The following MECOM variants were observed in gnomAD, a reference collection of about 807,000 sequenced individuals.
The protein encoded by MECOM is histone-lysine N-methyltransferase MECOM.
In MECOM, 13 loss-of-function variants were observed where a neutral mutation model predicts 116.3. The observed-to-expected ratio is 0.11, with a 90% CI of 0.07 to 0.18. The LOEUF is 0.18. Among genes scored for constraint, MECOM ranks in the 10% least tolerant of loss-of-function variants. The probability of loss-of-function intolerance (pLI) is 1.00; values close to 1 mark genes in which losing one functional copy is unlikely to be tolerated. For synonymous variants in MECOM, 528 were observed against 535.2 expected (o/e 0.99, Z 0.19); for missense variants, 1,299 against 1,509.0 (o/e 0.86, Z 2.31).
chr3:169,562,854 G>C (rs1011435621), intron 1 of MECOM, among the ~76,000 whole-genome samples: 1 of 152,128 alleles, frequency 6.6e-6, no homozygotes, highest in Non-Finnish European at 1.5e-5. Flanking sequence ...CTGAGGTCAA[G>C]AGTTCAAGAC....
At chr3:169,358,406 T>C (rs1481706306) in intron 2 of MECOM, among the ~76,000 whole-genome samples, 1 of 151,624 alleles carries the variant, frequency 6.6e-6, no homozygotes, top group Non-Finnish European at 1.5e-5. Context: ...GATAGACCAG[T>C]TTTCATTACT....
intron 2 of MECOM, among the ~76,000 whole-genome samples, chr3:169,259,497 C>T (rs901507753): frequency 5.9e-5 from 9 of 152,098 alleles, no homozygotes; most frequent in Non-Finnish European, 1.3e-4. Flanking sequence ...GGAGCCCAAG[C>T]ACTTTGCTTC....
intron 2 of MECOM, among the ~76,000 whole-genome samples, chr3:169,152,009 A>T (rs1741239088): frequency 2.0e-5 from 3 of 151,488 alleles, no homozygotes; most frequent in Admixed American, 2.0e-4. Flanking sequence ...ATTCTGTTTA[A>T]TTTTAATAAT....
chr3:169,148,683 A>C (rs1740582174), intron 2 of MECOM, among the ~76,000 whole-genome samples: 1 of 152,242 alleles, frequency 6.6e-6, no homozygotes, highest in African/African-American at 2.4e-5. Context: ...CTTTAGCTGC[A>C]AACGGGATAA....
intron 2 of MECOM, among the ~76,000 whole-genome samples, chr3:169,349,117 C>T (rs1243244819): frequency 6.8e-6 from 1 of 148,104 alleles, no homozygotes. Context: ...ACTTCTTAGA[C>T]GCATTTGGTA....
intron 2 of MECOM, among the ~76,000 whole-genome samples, chr3:169,202,628 C>T (rs1049293300): frequency 6.6e-6 from 1 of 151,936 alleles, no homozygotes; most frequent in African/African-American, 2.4e-5. Context: ...GAGGCCTTTA[C>T]ATTTTTAATA....
intron 1 of MECOM, among the ~76,000 whole-genome samples, chr3:169,513,057 C>A (rs2109035320): frequency 6.6e-6 from 1 of 152,314 alleles, no homozygotes; most frequent in African/African-American, 2.4e-5. Context: ...AGGCCCGGGT[C>A]CAACTCCTGC....
At chr3:169,261,918 T>G (rs1400060839) in intron 2 of MECOM, among the ~76,000 whole-genome samples, 4 of 152,236 alleles carry the variant, frequency 2.6e-5, no homozygotes, top group Non-Finnish European at 5.9e-5. Context: ...CTCAACATGC[T>G]ATCTGTAGCT....
At chr3:169,267,459 C>A (rs1263748862) in intron 2 of MECOM, among the ~76,000 whole-genome samples, 1 of 152,114 alleles carries the variant, frequency 6.6e-6, no homozygotes, top group Non-Finnish European at 1.5e-5. Context: ...AGGAATGAGA[C>A]CACGATAGGT....
At chr3:169,384,841 G>C (rs527800930) in intron 1 of MECOM, among the ~76,000 whole-genome samples, 1 of 152,224 alleles carries the variant, frequency 6.6e-6, no homozygotes, top group South Asian at 2.1e-4. Context: ...GGTGGCTCCA[G>C]CCTGTAACCC....
At chr3:169,430,376 A>G (rs1741416697) in intron 1 of MECOM, among the ~76,000 whole-genome samples, 1 of 152,174 alleles carries the variant, frequency 6.6e-6, no homozygotes, top group Non-Finnish European at 1.5e-5. Flanking sequence ...TGGATGACAT[A>G]GTACTACATT....
chr3:169,600,269 G>C (rs1017426098), intron 1 of MECOM, among the ~76,000 whole-genome samples: 2 of 152,072 alleles, frequency 1.3e-5, no homozygotes, highest in African/African-American at 4.8e-5. Context: ...ACCGTGCCCA[G>C]CCATTACTTA....
At chr3:169,341,471 G>C (rs1280989920) in intron 2 of MECOM, among the ~76,000 whole-genome samples, 4 of 151,240 alleles carry the variant, frequency 2.6e-5, no homozygotes, top group East Asian at 3.9e-4. Context: ...GCCGAGCGCG[G>C]TGGCTCACGT....
In MECOM at chr3:169,272,104, G is replaced by C. The variant is rs565671154; in HGVS notation, c.375+109083C>G. The stretch of plus-strand genomic sequence containing the variant: ...TGATCGAATACCCCACTCATGACAG[G>C]GTTCAACCATTGATCTTCGCTTATT... On this transcript the variant is annotated intron_variant, in intron 2 of 16. Transcript: ENST00000651503. Among the ~76,000 whole-genome samples, 3 of 152,248 alleles carry C rather than the reference G, an allele frequency of 2.0e-5. No individual in the cohort carries two copies. The South Asian group carries it at 6.2e-4, about 32-fold the overall frequency.
At chr3:169,628,636 C>G (rs116453526) in intron 1 of MECOM, among the ~76,000 whole-genome samples, 1 of 152,094 alleles carries the variant, frequency 6.6e-6, no homozygotes, top group Non-Finnish European at 1.5e-5. Context: ...TCTCAGGGGA[C>G]GGAACAATTC....
At chr3:169,649,973 C>T (rs1392530953) in intron 1 of MECOM, among the ~76,000 whole-genome samples, 1 of 152,184 alleles carries the variant, frequency 6.6e-6, no homozygotes. Context: ...TTTTTGTAAC[C>T]TTCTGTGTAA....
At chr3:169,445,842 T>C (rs1744533919) in intron 1 of MECOM, among the ~76,000 whole-genome samples, 1 of 152,216 alleles carries the variant, frequency 6.6e-6, no homozygotes, top group Non-Finnish European at 1.5e-5. Flanking sequence ...AACCTGGATG[T>C]GAGACCTGGA....
intron 1 of MECOM, among the ~76,000 whole-genome samples, chr3:169,491,818 C>T (rs1753127380): frequency 6.6e-6 from 1 of 152,208 alleles, no homozygotes; most frequent in Non-Finnish European, 1.5e-5. Flanking sequence ...AACATGGGAT[C>T]TCCAAGACTA....
At position 169,327,502 on chromosome 3, in the gene MECOM, G is replaced by A. The variant is rs553462341; in HGVS notation, c.375+53685C>T. ...AAAATACAAAAATTAGCCGGGTATG[G>A]TGGCACATGCCTGTAGTCTCAGTCA... is the stretch of plus-strand genomic sequence containing the variant. On this transcript the variant is annotated intron_variant, in intron 2 of 16. Coordinates refer to ENST00000651503, the MANE Select transcript of MECOM (RefSeq NM_004991.4). Among the ~76,000 whole-genome samples the A allele has an allele frequency of 2.6e-5, 4 of 152,046 alleles. No homozygotes were observed. In the East Asian group the frequency reaches 7.8e-4, roughly 30 times the overall value.
Sources: allele counts gnomAD v4.1 joint callset (sites outside exome capture counted in the v4.1 genomes callset), GRCh38; gene constraint gnomAD v4.1.1; transcripts MANE v1.5; gene names NCBI Gene and HGNC (gene_info 2026-07-23, HGNC 2026-07-21).